Variants in MAFK observed in about 807,000 individuals in gnomAD.
MAFK encodes the protein MAF bZIP transcription factor K, also known as transcription factor MafK.
In MAFK, 1 loss-of-function variant was observed where a neutral mutation model predicts 9.2. That is an observed-to-expected ratio of 0.11 (90% CI 0.04 to 0.52). The LOEUF (loss-of-function observed/expected upper bound fraction) is 0.52, where lower values mean the gene tolerates loss of function less well. Ranked by LOEUF, MAFK falls within the 20% of genes least tolerant of loss-of-function variation. MAFK has a pLI of 0.94. For synonymous variants in MAFK, 110 were observed against 107.4 expected (o/e 1.02, Z -0.15); for missense variants, 207 against 236.0 (o/e 0.88, Z 0.81).
At chr7:1,530,982 T>C (rs1453152810) in intron 1 of MAFK, 84 bp downstream of exon 1, 5 of 143,508 alleles carry the variant, frequency 3.5e-5, no homozygotes, top group Non-Finnish European at 7.7e-5. Context: ...GGCCGCTGAG[T>C]CACGGCCGCC....
At chr7:1,537,482 CG>C (rs1784059272) in intron 1 of MAFK, 2 of 985,476 alleles carry the variant, frequency 2.0e-6, no homozygotes, top group Non-Finnish European at 1.2e-6. Flanking sequence ...TCCCAGCCGC[CG>C]GCATTTGCAG....
chr7:1,534,957 A>T lies in MAFK; in HGVS notation c.-45+4059A>T, dbSNP rs1783994047. On this transcript the variant is annotated intron_variant, in intron 1 of 2. Coordinates refer to ENST00000343242, the MANE Select transcript of MAFK (RefSeq NM_002360.4). This position sits in a 1 kb window ranked among gnomAD's most constrained non-coding sequence, Gnocchi z 4.3. ...CTTGCCCTGTCACTCAGGCTGCTGGAGTGCAGTGGTGTGATCACAGCTCAC... is the reference window on the plus strand; with the variant it reads ...CTTGCCCTGTCACTCAGGCTGCTGGTGTGCAGTGGTGTGATCACAGCTCAC... Among the ~76,000 whole-genome samples, 1 of 151,636 alleles carries T rather than the reference A, an allele frequency of 6.6e-6. No individual in the cohort carries two copies.
intron 1 of MAFK, chr7:1,537,896 GACACCCC>G (rs1374760276): frequency 6.0e-6 from 1 of 166,978 alleles, no homozygotes; most frequent in East Asian, 1.9e-4. Flanking sequence ...GCTGACCAAG[GACACCCC>G]CCACCGCCGT....
At chr7:1,531,312 G>T (rs918834018) in intron 1 of MAFK, among the ~76,000 whole-genome samples, 2 of 151,666 alleles carry the variant, frequency 1.3e-5, no homozygotes, top group Admixed American at 1.3e-4. Flanking sequence ...GGGCGCGGGC[G>T]CGTGGATTCT....
At chr7:1,531,392 C>G (rs749084597) in intron 1 of MAFK, among the ~76,000 whole-genome samples, 2 of 152,156 alleles carry the variant, frequency 1.3e-5, no homozygotes, top group Non-Finnish European at 1.5e-5. Flanking sequence ...CTCCCGGTGA[C>G]GGGCGGCGCT....
chr7:1,542,365 C>T lies in MAFK; in HGVS notation c.*1990C>T, dbSNP rs915469305. On this transcript the variant is annotated 3_prime_UTR_variant, in exon 3 of 3. Coordinates refer to ENST00000343242, the MANE Select transcript of MAFK (RefSeq NM_002360.4). ...GCACAGGTGGGAGTTGGGAGCAAAG[C>T]GGAGGCCCGGGCTGCCCGCCGTCCC... 1.3e-5 allele frequency: 2 copies of T among 152,552 alleles called. No individual in the cohort carries two copies. The highest frequency in any genetic ancestry group is 2.9e-5 in the Non-Finnish European group (2 of 68,082). The allele number at this position is 152,552 out of a possible 1,614,324, so 9.4% of individuals were successfully genotyped here. A position where few individuals can be genotyped will look rare whatever the true frequency, so the allele number is the denominator to read the frequency against.
chr7:1,539,669 C>G lies in MAFK; in HGVS notation c.37-272C>G, dbSNP rs1784128656. Among the ~76,000 whole-genome samples the G allele has an allele frequency of 2.0e-5, 3 of 152,340 alleles. No homozygotes were observed. The South Asian group carries it at 6.2e-4, about 32-fold the overall frequency. On this transcript the variant is annotated intron_variant, in intron 2 of 2. Transcript: ENST00000343242. The stretch of plus-strand genomic sequence containing the variant: ...GTCCCAGCAGCAGGACCCATGCACT[C>G]TGGGTCCTCATGGGCTCTGAGGCTG...
Position 1,540,396 on chromosome 7 carries a change from T to TGGCGGGG in MAFK, c.*27_*28insGGGCGGG. On this transcript the variant is annotated 3_prime_UTR_variant, in exon 3 of 3. Coordinates refer to ENST00000343242, the MANE Select transcript of MAFK (RefSeq NM_002360.4). ...CCTAGTGCCGGCCGGGGGCGGGGGG[T>TGGCGGGG]GGCGGGCGGCGGGCGGCGGGCAGGC... 4.0e-6 allele frequency: 1 copy of TGGCGGGG among 252,406 alleles called. No homozygotes were observed. Among genetic ancestry groups the TGGCGGGG allele is most frequent in the Non-Finnish European group, 5.6e-6 (1 of 177,464 alleles). 15.6% of individuals were successfully genotyped at this position (252,406 alleles called of 1,614,324 possible).
chr7:1,540,607 T>C lies in MAFK; in HGVS notation c.*232T>C. 1 of 534,808 alleles carries C rather than the reference T, an allele frequency of 1.9e-6. No individual in the cohort carries two copies. The allele number at this position is 534,808 out of a possible 1,614,324, so 33.1% of individuals were successfully genotyped here. A position where few individuals can be genotyped will look rare whatever the true frequency, so the allele number is the denominator to read the frequency against. On this transcript the variant is annotated 3_prime_UTR_variant, in exon 3 of 3. Coordinates refer to ENST00000343242, the MANE Select transcript of MAFK (RefSeq NM_002360.4). Reference sequence around the variant, plus strand: ...AGACACACTCACGCCCGCCACCTGCTCCCCGCAGGATGTGTCTGTGTGTGG... The same window carrying C: ...AGACACACTCACGCCCGCCACCTGCCCCCCGCAGGATGTGTCTGTGTGTGG...
chr7:1,539,199 A>T lies in MAFK; in HGVS notation c.7A>T (p.Thr3Ser). 3 of 1,612,322 alleles carry T rather than the reference A, an allele frequency of 1.9e-6. No homozygotes were observed. The highest frequency in any genetic ancestry group is 1.7e-6 in the Non-Finnish European group (2 of 1,179,376). MT[T>S]NPKPNKALKV... Reference sequence around the variant, plus strand: ...TGGTGACCGTGCCCGGGTTATGACGACTAATCCCAAACCGAATAAGGCATT... The same window carrying T: ...TGGTGACCGTGCCCGGGTTATGACGTCTAATCCCAAACCGAATAAGGCATT... Residue 3 changes from threonine (T) to serine (S), a missense_variant, in exon 2 of 3, where the codon ACT (threonine) becomes TCT (serine). Physicochemically the swap from Thr to Ser is moderately conservative, Grantham distance 58. Transcript: ENST00000343242.
chr7:1,540,597 C>A lies in MAFK; in HGVS notation c.*222C>A. The A allele has an allele frequency of 1.8e-6, 1 of 543,102 alleles. No homozygotes were observed. Among genetic ancestry groups the A allele is most frequent in the Non-Finnish European group, 3.2e-6 (1 of 309,944 alleles). The allele number at this position is 543,102 out of a possible 1,614,324, so 33.6% of individuals were successfully genotyped here. The stretch of plus-strand genomic sequence containing the variant: ...GCCGGTCCACAGACACACTCACGCC[C>A]GCCACCTGCTCCCCGCAGGATGTGT... On this transcript the variant is annotated 3_prime_UTR_variant, in exon 3 of 3. Transcript: ENST00000343242.
At position 1,540,262 on chromosome 7, in the gene MAFK, A is replaced by G; in HGVS notation, c.358A>G (p.Thr120Ala). The change falls in exon 3 of 3, where the codon ACC becomes GCC. Residue 120 changes from threonine to alanine, a missense_variant. Physicochemically the swap from Thr to Ala is moderately conservative, Grantham distance 58. Coordinates refer to ENST00000343242, the MANE Select transcript of MAFK (RefSeq NM_002360.4). ...CGAGGCGCTGCAGACCTTCGCGCGC[A>G]CCGTGGCCCGGGGACCTGTGGCGCC... ...KYEALQTFAR[T>A]VARGPVAPSK... 6.2e-7 allele frequency: 1 copy of G among 1,610,998 alleles called. No homozygotes were observed. Among genetic ancestry groups the G allele is most frequent in the East Asian group, 2.2e-5 (1 of 44,776 alleles).
intron 1 of MAFK, chr7:1,537,295 G>GCACC: frequency 4.9e-6 from 4 of 817,594 alleles, no homozygotes; most frequent in Non-Finnish European, 5.9e-6. Context: ...GGGCCCAGGA[G>GCACC]CGGGTCCTTG....
At chr7:1,531,045 CA>C (rs1222535926) in intron 1 of MAFK, 147 bp downstream of exon 1, 1 of 147,200 alleles carries the variant, frequency 6.8e-6, no homozygotes. Context: ...CCGAGACCCT[CA>C]TGCGGCCCGC....
chr7:1,538,285 A>T, intron 1 of MAFK: 1 of 985,400 alleles, frequency 1.0e-6, no homozygotes, highest in Middle Eastern at 5.2e-4. Flanking sequence ...GACTCCCGCC[A>T]GACGGTCAAA....
chr7:1,538,356 C>T, intron 1 of MAFK: 1 of 985,058 alleles, frequency 1.0e-6, no homozygotes, highest in Non-Finnish European at 1.2e-6. Flanking sequence ...CCCGGACCTG[C>T]CGCCCCTCAG....
Position 1,540,589 on chromosome 7 carries a change from C to T in MAFK, c.*214C>T, listed in dbSNP as rs551070921. 1.0e-4 allele frequency: 58 copies of T among 554,622 alleles called. No individual in the cohort carries two copies. In the South Asian group the frequency reaches 1.2e-3, roughly 12 times the overall value. The allele number at this position is 554,622 out of a possible 1,614,324, so 34.4% of individuals were successfully genotyped here. A position where few individuals can be genotyped will look rare whatever the true frequency, so the allele number is the denominator to read the frequency against. The stretch of plus-strand genomic sequence containing the variant: ...AGCTGCACGCCGGTCCACAGACACA[C>T]TCACGCCCGCCACCTGCTCCCCGCA... On this transcript the variant is annotated 3_prime_UTR_variant, in exon 3 of 3. Coordinates refer to ENST00000343242, the MANE Select transcript of MAFK (RefSeq NM_002360.4).
In MAFK at chr7:1,538,196, C is replaced by G. The variant is rs1048197590; in HGVS notation, c.-44-953C>G. 4 of 886,186 alleles carry G rather than the reference C, an allele frequency of 4.5e-6. No homozygotes were observed. The African/African-American group carries it at 7.2e-5, about 16-fold the overall frequency. 54.9% of individuals were successfully genotyped at this position (886,186 alleles called of 1,614,324 possible). A position where few individuals can be genotyped will look rare whatever the true frequency, so the allele number is the denominator to read the frequency against. On this transcript the variant is annotated intron_variant, in intron 1 of 2. Transcript: ENST00000343242. The stretch of plus-strand genomic sequence containing the variant: ...TATCGGAGGGCTCATGCCGGGGATG[C>G]TTTGGCTGGGTTTTTCATGAATGAT...
intron 1 of MAFK, among the ~76,000 whole-genome samples, chr7:1,537,109 C>T (rs1027941404): frequency 1.3e-5 from 2 of 152,242 alleles, no homozygotes; most frequent in East Asian, 1.9e-4. Flanking sequence ...CGTGTGCCTC[C>T]GCAGTGTCAC....
Sources: gnomAD v4.1 joint callset for allele counts (sites outside exome capture counted in the v4.1 genomes callset) on GRCh38, gnomAD v4.1.1 for gene constraint, Gnocchi (gnomAD v3.1) non-coding constraint, MANE v1.5 for transcripts, NCBI Gene and HGNC (gene_info 2026-07-23, HGNC 2026-07-21) for gene names.